Variants in BBOF1 observed in about 807,000 individuals in gnomAD.
The protein encoded by BBOF1 is basal body-orientation factor 1.
BBOF1 carries 62 observed loss-of-function variants against 68.0 expected under a neutral mutation model. The ratio of observed to expected loss-of-function variants is 0.91; its 90% CI spans 0.74 to 1.13. The LOEUF (loss-of-function observed/expected upper bound fraction) is 1.13. Among genes scored for constraint, BBOF1 ranks in the 50% most tolerant of loss-of-function variants. The pLI, the probability that BBOF1 is intolerant of heterozygous loss-of-function variation, is 0.00. For missense variants in BBOF1, 534 were observed against 600.1 expected (o/e 0.89, Z 1.15); for synonymous variants, 208 against 198.8 (o/e 1.05, Z -0.39).
At chr14:74,033,814 C>T (rs996224088) in intron 3 of BBOF1, among the ~76,000 whole-genome samples, 3 of 151,598 alleles carry the variant, frequency 2.0e-5, no homozygotes, top group African/African-American at 7.3e-5. Context: ...TGCCGTGAGC[C>T]AAGATCGCGC....
Position 74,072,433 on chromosome 14 carries a change from A to G in BBOF1, n.1380-5763A>G, listed in dbSNP as rs142563347. The G allele has an allele frequency of 6.3e-4, 1,009 of 1,613,682 alleles. 3 individuals carry two copies. Among genetic ancestry groups the G allele is most frequent in the Non-Finnish European group, 7.1e-4 (836 of 1,179,632 alleles). On this transcript the variant is annotated intron_variant and non_coding_transcript_variant, in intron 9 of 12. Coordinates refer to the BBOF1 transcript ENST00000492026. ...TCTCCACTGTACATCCAGTCACAGAAGTGGCACTATGTGCTTTACAACAGA... is the reference window on the plus strand; with the variant it reads ...TCTCCACTGTACATCCAGTCACAGAGGTGGCACTATGTGCTTTACAACAGA...
intron 5 of BBOF1, among the ~76,000 whole-genome samples, chr14:74,045,500 G>T (rs1345531103): frequency 6.6e-6 from 1 of 151,934 alleles, no homozygotes; most frequent in Non-Finnish European, 1.5e-5. Context: ...GTAGAGCTGG[G>T]GTTTCTCCAT....
rs1036663083 is a variant in BBOF1 at position 74,073,130 on chromosome 14, A to G, written n.1380-5066A>G. ...TTTTTATTTTTTATTTTTTTGAGAC[A>G]TGGTCTCACTCTGTTGCCCAGGCTG... On this transcript the variant is annotated intron_variant and non_coding_transcript_variant, in intron 9 of 12. Transcript: ENST00000492026. Among the ~76,000 whole-genome samples the G allele has an allele frequency of 3.3e-5, 5 of 151,222 alleles. No individual in the cohort carries two copies. In the East Asian group the frequency reaches 9.7e-4, roughly 29 times the overall value.
At chr14:74,036,977 T>C (rs1274798800) in intron 4 of BBOF1, among the ~76,000 whole-genome samples, 2 of 143,024 alleles carry the variant, frequency 1.4e-5, no homozygotes, top group South Asian at 2.2e-4. Context: ...TTTTTTCTTT[T>C]TTTTTTTTTT....
chr14:74,072,348 AT>A, intron 9 of BBOF1: 1 of 1,614,198 alleles, frequency 6.2e-7, no homozygotes, highest in Non-Finnish European at 8.5e-7. Context: ...GACCCGACCA[AT>A]GACCTCATTG....
intron 1 of BBOF1, among the ~76,000 whole-genome samples, chr14:74,022,338 A>C (rs1247798828): frequency 6.6e-6 from 1 of 152,198 alleles, no homozygotes; most frequent in Non-Finnish European, 1.5e-5. Context: ...ACTTGAGCCC[A>C]GGAGTTCAAG....
At position 74,024,386 on chromosome 14, in the gene BBOF1, G is replaced by A. The variant is rs201266043; in HGVS notation, c.285+1242G>A. Among the ~76,000 whole-genome samples the A allele has an allele frequency of 4.6e-5, 7 of 152,170 alleles. No homozygotes were observed. The East Asian group carries it at 1.4e-3, about 29-fold the overall frequency. On this transcript the variant is annotated intron_variant, in intron 2 of 11. Transcript: ENST00000394009. Reference sequence around the variant, plus strand: ...CGGGAGGATCACTTAAGCCCAGGAAGTTGAAGCTGCAGTGAGCCATGGTCA... The same window carrying A: ...CGGGAGGATCACTTAAGCCCAGGAAATTGAAGCTGCAGTGAGCCATGGTCA...
At chr14:74,045,308 T>TA in intron 5 of BBOF1, among the ~76,000 whole-genome samples, 1 of 152,248 alleles carries the variant, frequency 6.6e-6, no homozygotes, top group East Asian at 1.9e-4. Context: ...TAGTATTATT[T>TA]TTTATTTATT....
chr14:74,071,725 G>A, intron 9 of BBOF1: 7 of 1,453,914 alleles, frequency 4.8e-6, no homozygotes, highest in Middle Eastern at 2.3e-4. Flanking sequence ...AAAGAGTAAA[G>A]TAAATCAGTC....
chr14:74,038,447 G>T lies in BBOF1; in HGVS notation c.496-2118G>T, dbSNP rs143240864. The stretch of plus-strand genomic sequence containing the variant: ...AGTGTTGCCACCTAGTGGAGAAATA[G>T]ATTTCAGACCTTTCAAAGTGGGCCT... On this transcript the variant is annotated intron_variant, in intron 4 of 11. Transcript: ENST00000394009. Among the ~76,000 whole-genome samples the T allele has an allele frequency of 2.1e-3, 317 of 152,212 alleles. 2 individuals are homozygous for T. Among genetic ancestry groups the T allele is most frequent in the Middle Eastern group, 0.014 (4 of 294 alleles).
chr14:74,043,407 G>A (rs915584002), intron 5 of BBOF1, among the ~76,000 whole-genome samples: 12 of 149,028 alleles, frequency 8.1e-5, no homozygotes, highest in Admixed American at 6.0e-4. Flanking sequence ...AAAATTAGCC[G>A]GGCGCGGTGG....
At chr14:74,026,513 G>A (rs1239810901) in intron 2 of BBOF1, among the ~76,000 whole-genome samples, 1 of 147,894 alleles carries the variant, frequency 6.8e-6, no homozygotes, top group Non-Finnish European at 1.5e-5. Flanking sequence ...AAATTTTAAA[G>A]GACATGGCCT....
Position 74,033,879 on chromosome 14 carries a change from AAAAT to A in BBOF1, c.352-129_352-126del, listed in dbSNP as rs140299640. 757 of 348,862 alleles carry A rather than the reference AAAAT, an allele frequency of 2.2e-3. 6 individuals carry two copies. The highest frequency in any genetic ancestry group is 0.012 in the South Asian group (141 of 11,398). 21.6% of individuals were successfully genotyped at this position (348,862 alleles called of 1,614,324 possible). ...AGACTCCATCTCAAAATAAATAAAT[AAAAT>A]AAATAAATAAATAAATAAAAATAGA... On this transcript the variant is annotated intron_variant, in intron 3 of 11. Transcript: ENST00000394009.
At position 74,065,103 on chromosome 14, in the gene BBOF1, G is replaced by T; in HGVS notation, c.*404G>T. The T allele has an allele frequency of 6.5e-7, 1 of 1,548,396 alleles. No homozygotes were observed. The highest frequency in any genetic ancestry group is 8.9e-7 in the Non-Finnish European group (1 of 1,124,320). On this transcript the variant is annotated 3_prime_UTR_variant, in exon 12 of 12. Transcript: ENST00000394009. ...GTCATGGGGGCAATCTTAAACCAAT[G>T]ACTCACCATTATTTACTGTTTCCTC...
At chr14:74,042,041 A>G (rs571593516) in intron 5 of BBOF1, among the ~76,000 whole-genome samples, 2 of 120,570 alleles carry the variant, frequency 1.7e-5, no homozygotes, top group East Asian at 4.5e-4. Context: ...TGTCTCAAAC[A>G]ACAACAACAA....
At chr14:74,074,814 A>C (rs2060594476) in intron 9 of BBOF1, 4 of 836,688 alleles carry the variant, frequency 4.8e-6, no homozygotes, top group Non-Finnish European at 7.8e-6. Context: ...AATCCATTTC[A>C]GGAGGGAAAT....
chr14:74,035,847 C>G (rs538747700), intron 4 of BBOF1, among the ~76,000 whole-genome samples: 8 of 148,562 alleles, frequency 5.4e-5, no homozygotes, highest in Admixed American at 1.4e-4. Flanking sequence ...CATGACCTAG[C>G]CTTCAAAGTC....
At chr14:74,072,276 G>A in intron 9 of BBOF1, 1 of 1,614,250 alleles carries the variant, frequency 6.2e-7, no homozygotes, top group Non-Finnish European at 8.5e-7. Flanking sequence ...GTCTGCCCAT[G>A]CAGGAAAAGC....
At chr14:74,047,686 G>T (rs543783280) in intron 6 of BBOF1, among the ~76,000 whole-genome samples, 1 of 151,986 alleles carries the variant, frequency 6.6e-6, no homozygotes. Context: ...TGATCCTCCC[G>T]TCTCAGCCTC....
Sources: gnomAD v4.1 joint callset for allele counts (sites outside exome capture counted in the v4.1 genomes callset) on GRCh38, gnomAD v4.1.1 for gene constraint, MANE v1.5 for transcripts, NCBI Gene and HGNC (gene_info 2026-07-23, HGNC 2026-07-21) for gene names.